CECR2: variants seen among roughly 807,000 people sequenced by gnomAD.
CECR2 encodes the protein CECR2 histone acetyl-lysine reader.
In CECR2, 30 loss-of-function variants were observed where a neutral mutation model predicts 154.5. The ratio of observed to expected loss-of-function variants is 0.19; its 90% confidence interval spans 0.15 to 0.26. The LOEUF (loss-of-function observed/expected upper bound fraction) is 0.26, where lower values mean the gene tolerates loss of function less well. Ranked by LOEUF, CECR2 falls within the 10% of genes least tolerant of loss-of-function variation. CECR2 has a pLI of 1.00. For synonymous variants in CECR2, 725 were observed against 683.7 expected (o/e 1.06, Z -0.94); for missense variants, 1,743 against 1,829.3 (o/e 0.95, Z 0.86).
At chr22:17,414,472 G>A (rs1329453678) in intron 1 of CECR2, among the ~76,000 whole-genome samples, 1 of 138,402 alleles carries the variant, frequency 7.2e-6, no homozygotes, top group Non-Finnish European at 1.5e-5. Context: ...TTTTTTTTTA[G>A]AACGAAACCC....
At chr22:17,428,987 C>T (rs759186935) in intron 1 of CECR2, among the ~76,000 whole-genome samples, 6 of 151,928 alleles carry the variant, frequency 3.9e-5, no homozygotes, top group Non-Finnish European at 8.8e-5. Flanking sequence ...TACCAGTGTA[C>T]ATGTGTGAGT....
chr22:17,451,512 A>T (rs1474247786), intron 1 of CECR2, among the ~76,000 whole-genome samples: 1 of 148,370 alleles, frequency 6.7e-6, no homozygotes, highest in South Asian at 2.1e-4. Context: ...AAAATTTAGA[A>T]GGACTCACAT....
Position 17,444,615 on chromosome 22 carries a change from C to T in CECR2, c.127-32973C>T, listed in dbSNP as rs570754900. On this transcript the variant is annotated intron_variant, in intron 1 of 18. Coordinates refer to ENST00000262608, the MANE Select transcript of CECR2 (RefSeq NM_001290047.2). ...GCCTGGGCGACAAAGTGAGACTCCA[C>T]CTAAAAAAAAAAAACTTGAACTACC... Among the ~76,000 whole-genome samples the T allele has an allele frequency of 1.7e-4, 26 of 150,884 alleles. No homozygotes were observed. In the South Asian group the frequency reaches 5.4e-3, roughly 32 times the overall value.
chr22:17,382,442 T>C (rs1242453587), intron 1 of CECR2, among the ~76,000 whole-genome samples: 1 of 152,118 alleles, frequency 6.6e-6, no homozygotes, highest in Admixed American at 6.6e-5. Context: ...CTCAGAGATA[T>C]TTTGGGGTCA....
intron 2 of CECR2, among the ~76,000 whole-genome samples, chr22:17,484,936 A>G (rs117659690): frequency 0.02 from 3,027 of 152,336 alleles, 42 homozygotes; most frequent in Middle Eastern, 0.054. Context: ...CGACTCCTGT[A>G]TTTAGGAAGC....
intron 2 of CECR2, among the ~76,000 whole-genome samples, chr22:17,494,240 G>T (rs1324285416): frequency 6.6e-6 from 1 of 152,166 alleles, no homozygotes; most frequent in African/African-American, 2.4e-5. Flanking sequence ...GGGATTACAG[G>T]CATATGCCAC....
At position 17,484,578 on chromosome 22, in the gene CECR2, G is replaced by GT. The variant is rs2055387588; in HGVS notation, c.221+6902dup. ...AATATAAAAACCATTATTATAGACT[G>GT]TTTTTTGTTTGTTTGTTTGTTTTGT... On this transcript the variant is annotated intron_variant, in intron 2 of 18. Coordinates refer to ENST00000262608, the MANE Select transcript of CECR2 (RefSeq NM_001290047.2). Among the ~76,000 whole-genome samples, 4 of 152,000 alleles carry GT rather than the reference G, an allele frequency of 2.6e-5. No homozygotes were observed. In the South Asian group the frequency reaches 8.3e-4, roughly 32 times the overall value.
intron 2 of CECR2, among the ~76,000 whole-genome samples, chr22:17,494,090 TTTTCTTTCTTTC>T (rs113949798): frequency 6.6e-6 from 1 of 151,992 alleles, no homozygotes; most frequent in Non-Finnish European, 1.5e-5. Flanking sequence ...CACTTTTTCA[TTTTCTTTCTTTC>T]TTTCTTTCTT....
chr22:17,532,416 G>A (rs960289318), intron 9 of CECR2, among the ~76,000 whole-genome samples: 1 of 152,104 alleles, frequency 6.6e-6, no homozygotes, highest in East Asian at 1.9e-4. Flanking sequence ...TGCAAACTTA[G>A]AATAATAGAA....
At chr22:17,392,952 A>G (rs1383217488) in intron 1 of CECR2, among the ~76,000 whole-genome samples, 3 of 152,278 alleles carry the variant, frequency 2.0e-5, no homozygotes, top group Non-Finnish European at 2.9e-5. Flanking sequence ...AGGCAGGAGA[A>G]TGGCTTGAGC....
chr22:17,500,206 A>G (rs535187428), intron 4 of CECR2, among the ~76,000 whole-genome samples: 92 of 63,264 alleles, frequency 1.5e-3, no homozygotes, highest in African/African-American at 6.1e-3. Context: ...GCGAGACTCC[A>G]TCAAAAAAAA....
chr22:17,412,439 A>G (rs1274562054), intron 1 of CECR2, among the ~76,000 whole-genome samples: 1 of 152,056 alleles, frequency 6.6e-6, no homozygotes, highest in East Asian at 1.9e-4. Context: ...TGCCCAAAGC[A>G]TGCCTGGATT....
At chr22:17,395,561 T>A (rs986840522) in intron 1 of CECR2, among the ~76,000 whole-genome samples, 5 of 152,068 alleles carry the variant, frequency 3.3e-5, no homozygotes, top group Admixed American at 3.3e-4. Context: ...GCCAGGCTGG[T>A]TTCTAACTCC....
At chr22:17,435,701 A>AC (rs2054494731) in intron 1 of CECR2, among the ~76,000 whole-genome samples, 1 of 149,794 alleles carries the variant, frequency 6.7e-6, no homozygotes, top group Non-Finnish European at 1.5e-5. Context: ...AAAAAAAAAA[A>AC]AAAAAAAAAC....
intron 2 of CECR2, among the ~76,000 whole-genome samples, chr22:17,495,225 A>G (rs2055601903): frequency 1.3e-5 from 2 of 152,176 alleles, no homozygotes; most frequent in Non-Finnish European, 2.9e-5. Context: ...ATGTAAAATA[A>G]CCATCTAACA....
intron 1 of CECR2, among the ~76,000 whole-genome samples, chr22:17,379,027 G>A (rs957861404): frequency 2.0e-5 from 3 of 152,058 alleles, no homozygotes; most frequent in African/African-American, 7.2e-5. Flanking sequence ...TGCGATCTCG[G>A]CTCACTGCAA....
In CECR2 at chr22:17,536,958, A is replaced by C. The variant is rs75518274; in HGVS notation, c.1109-145A>C. On this transcript the variant is annotated intron_variant, in intron 9 of 18. Coordinates refer to ENST00000262608, the MANE Select transcript of CECR2 (RefSeq NM_001290047.2). ...CATCTGTAGAAACATCCTAATTACC[A>C]AAAAGAGGGTGGCACAGGGAGCAGA... is the stretch of plus-strand genomic sequence containing the variant. 5.5e-3 allele frequency: 4,652 copies of C among 852,494 alleles called. 158 individuals carry two copies. In the African/African-American group the frequency reaches 0.072, roughly 13 times the overall value. The allele number at this position is 852,494 out of a possible 1,614,324, so 52.8% of individuals were successfully genotyped here.
Position 17,378,059 on chromosome 22 carries a change from C to G in CECR2, c.126+8150C>G, listed in dbSNP as rs1009352068. On this transcript the variant is annotated intron_variant, in intron 1 of 18. Coordinates refer to ENST00000262608, the MANE Select transcript of CECR2 (RefSeq NM_001290047.2). ...AGTGCAGTGGCGCTATCTTGGCTCA[C>G]TGCAACCTCCGCCCCCCGGGTTCAC... Among the ~76,000 whole-genome samples, 5 of 132,590 alleles carry G rather than the reference C, an allele frequency of 3.8e-5. No homozygotes were observed. The Admixed American group carries it at 3.8e-4, about 10-fold the overall frequency. The allele number at this position is 132,590 out of a possible 152,430, so 87.0% of individuals were successfully genotyped here. A position where few individuals can be genotyped will look rare whatever the true frequency, so the allele number is the denominator to read the frequency against.
chr22:17,431,749 A>G (rs965208868), intron 1 of CECR2, among the ~76,000 whole-genome samples: 1 of 151,708 alleles, frequency 6.6e-6, no homozygotes, highest in Non-Finnish European at 1.5e-5. Flanking sequence ...AACATCAAAC[A>G]CGTTTTCTAG....
Sources: gnomAD v4.1 joint callset for allele counts (sites outside exome capture counted in the v4.1 genomes callset) on GRCh38, gnomAD v4.1.1 for gene constraint, MANE v1.5 for transcripts, NCBI Gene and HGNC (gene_info 2026-07-23, HGNC 2026-07-21) for gene names.